The following CSMD3 variants were observed in gnomAD, a reference collection of about 807,000 sequenced individuals.
The protein encoded by CSMD3 is CUB and Sushi multiple domains 3, also known as CUB and sushi domain-containing protein 3.
CSMD3 carries 177 observed loss-of-function variants against 435.2 expected under a neutral mutation model. The ratio of observed to expected loss-of-function variants is 0.41; its 90% CI spans 0.36 to 0.46. The LOEUF (loss-of-function observed/expected upper bound fraction) is 0.46, where lower values mean the gene tolerates loss of function less well. Ranked by LOEUF, CSMD3 falls within the 20% of genes least tolerant of loss-of-function variation. The pLI is 0.34. For synonymous variants in CSMD3, 1,656 were observed against 1,520.5 expected (o/e 1.09, Z -2.07); for missense variants, 4,265 against 4,504.6 (o/e 0.95, Z 1.52).
intron 32 of CSMD3, among the ~76,000 whole-genome samples, chr8:112,454,911 T>G (rs773165537): frequency 2.0e-5 from 3 of 151,944 alleles, no homozygotes; most frequent in Non-Finnish European, 4.4e-5. Context: ...ACGACTGTGG[T>G]CTCAGCTACT....
chr8:112,556,126 A>T (rs752309800), intron 25 of CSMD3, among the ~76,000 whole-genome samples: 5 of 151,922 alleles, frequency 3.3e-5, no homozygotes, highest in African/African-American at 1.2e-4. Context: ...AAAAAGAGAG[A>T]TCTCTATCCA....
chr8:113,275,988 T>C (rs1373998599), intron 3 of CSMD3, among the ~76,000 whole-genome samples: 1 of 151,388 alleles, frequency 6.6e-6, no homozygotes. Flanking sequence ...TGCAGGGGAG[T>C]GGGAGACAGA....
chr8:112,336,520 C>G (rs758526991), intron 44 of CSMD3, 132 bp downstream of exon 44: 18 of 754,812 alleles, frequency 2.4e-5, no homozygotes, highest in Non-Finnish European at 4.1e-5. Flanking sequence ...CACATACTGT[C>G]ACCCTCAGTT....
chr8:112,235,617 A>G (rs1460055352), intron 67 of CSMD3, among the ~76,000 whole-genome samples: 1 of 152,074 alleles, frequency 6.6e-6, no homozygotes, highest in Non-Finnish European at 1.5e-5. Context: ...AGAAAATAGG[A>G]TCTAAGAAAA....
chr8:113,287,701 G>T (rs1325493807), intron 2 of CSMD3, among the ~76,000 whole-genome samples: 1 of 151,936 alleles, frequency 6.6e-6, no homozygotes, highest in African/African-American at 2.4e-5. Context: ...TTGATGTCAT[G>T]GCAGGTAGGT....
intron 35 of CSMD3, among the ~76,000 whole-genome samples, chr8:112,404,337 G>C (rs981208190): frequency 6.6e-6 from 1 of 152,048 alleles, no homozygotes; most frequent in African/African-American, 2.4e-5. Context: ...AGACCAGCCT[G>C]ACCAACATGG....
intron 36 of CSMD3, among the ~76,000 whole-genome samples, chr8:112,388,550 G>A (rs953780853): frequency 6.6e-6 from 1 of 152,120 alleles, no homozygotes; most frequent in Non-Finnish European, 1.5e-5. Flanking sequence ...GTTGTTCTGA[G>A]AAAGAGAACA....
chr8:112,390,434 T>C (rs1000421272), intron 36 of CSMD3, among the ~76,000 whole-genome samples: 1 of 152,194 alleles, frequency 6.6e-6, no homozygotes, highest in Non-Finnish European at 1.5e-5. Context: ...ACCTCAAGAT[T>C]CCATGTTATA....
intron 13 of CSMD3, among the ~76,000 whole-genome samples, chr8:112,791,565 T>C (rs926084175): frequency 3.3e-5 from 5 of 152,152 alleles, no homozygotes; most frequent in Non-Finnish European, 7.4e-5. Context: ...GTTAAGAGTA[T>C]TTTCTTTTTT....
At chr8:112,564,073 A>AT (rs1231679142) in intron 24 of CSMD3, among the ~76,000 whole-genome samples, 4 of 151,482 alleles carry the variant, frequency 2.6e-5, no homozygotes, top group South Asian at 2.1e-4. Context: ...CAAGTTAAGC[A>AT]TTTTTTTATT....
At chr8:113,173,679 C>A (rs2131889238) in intron 4 of CSMD3, 43 bp downstream of exon 4, 4 of 1,458,234 alleles carry the variant, frequency 2.7e-6, no homozygotes, top group South Asian at 1.1e-5. Context: ...TTCAAATACA[C>A]TGGCTGATAA....
rs186059118 is a variant in CSMD3 at position 112,515,115 on chromosome 8, T to G, written c.4756+1919A>C. Among the ~76,000 whole-genome samples the G allele has an allele frequency of 1.4e-3, 214 of 152,226 alleles. 2 individuals are homozygous for G. The Middle Eastern group carries it at 0.027, about 19-fold the overall frequency. ...CTTGTCTAAAAATGGAAATTTGTAA[T>G]AGCAGATCTCAGAAGTTTTTCATCT... is the stretch of plus-strand genomic sequence containing the variant. On this transcript the variant is annotated intron_variant, in intron 28 of 70. Coordinates refer to ENST00000297405, the MANE Select transcript of CSMD3 (RefSeq NM_198123.2).
chr8:112,684,790 A>C (rs1347156730), intron 15 of CSMD3, among the ~76,000 whole-genome samples: 4 of 152,286 alleles, frequency 2.6e-5, no homozygotes, highest in Admixed American at 2.0e-4. Flanking sequence ...TTTACTAAGT[A>C]ATATGTACTC....
intron 3 of CSMD3, among the ~76,000 whole-genome samples, chr8:113,198,246 A>T (rs1415741034): frequency 6.6e-6 from 1 of 151,300 alleles, no homozygotes; most frequent in Non-Finnish European, 1.5e-5. Flanking sequence ...TAAACTGGAG[A>T]TAATAACTTC....
chr8:112,746,070 G>A (rs1208357414), intron 13 of CSMD3, among the ~76,000 whole-genome samples: 1 of 152,054 alleles, frequency 6.6e-6, no homozygotes, highest in East Asian at 1.9e-4. Flanking sequence ...GCTTAAAACT[G>A]TATTTATCAG....
At chr8:112,905,012 T>G (rs2082217538) in intron 10 of CSMD3, among the ~76,000 whole-genome samples, 1 of 151,294 alleles carries the variant, frequency 6.6e-6, no homozygotes, top group Non-Finnish European at 1.5e-5. Context: ...AAAAATGGAA[T>G]GGATTTGGTT....
chr8:112,878,571 T>C (rs2081357066), intron 10 of CSMD3, among the ~76,000 whole-genome samples: 1 of 152,132 alleles, frequency 6.6e-6, no homozygotes, highest in Non-Finnish European at 1.5e-5. Flanking sequence ...ACTGGGTATA[T>C]ACCCAAGGGA....
chr8:112,410,624 A>G lies in CSMD3; in HGVS notation c.5396-1592T>C, dbSNP rs376867004. Among the ~76,000 whole-genome samples the G allele has an allele frequency of 1.0e-3, 35 of 34,114 alleles. 2 individuals carry two copies. The highest frequency in any genetic ancestry group is 3.6e-3 in the African/African-American group (35 of 9,850). The allele number at this position is 34,114 out of a possible 152,430, so 22.4% of individuals were successfully genotyped here. A position where few individuals can be genotyped will look rare whatever the true frequency, so the allele number is the denominator to read the frequency against. On this transcript the variant is annotated intron_variant, in intron 32 of 70. Transcript: ENST00000297405. ...TATGTGTATATATATATGTATATAT[A>G]TGTGTATATATATGTATATATATAT...
chr8:113,347,236 G>A (rs998687846), intron 1 of CSMD3, among the ~76,000 whole-genome samples: 2 of 152,044 alleles, frequency 1.3e-5, no homozygotes, highest in African/African-American at 4.8e-5. Context: ...ATCTTCCTTT[G>A]ACACTTACTT....
Sources: gnomAD v4.1 joint callset for allele counts (sites outside exome capture counted in the v4.1 genomes callset) on GRCh38, gnomAD v4.1.1 for gene constraint, MANE v1.5 for transcripts, NCBI Gene and HGNC (gene_info 2026-07-23, HGNC 2026-07-21) for gene names.